Variants in PLB1 observed in about 807,000 individuals in gnomAD.
PLB1 encodes the protein phospholipase B1, membrane-associated.
Under a neutral mutation model 227.4 loss-of-function variants are expected in PLB1, and 242 were observed. The observed-to-expected ratio is 1.06, with a 90% CI of 0.96 to 1.18. The LOEUF (loss-of-function observed/expected upper bound fraction) is 1.18, where lower values mean the gene tolerates loss of function less well. PLB1 is among the 50% of genes most tolerant of loss of function. The probability of loss-of-function intolerance (pLI) is 0.00; values close to 1 mark genes in which losing one functional copy is unlikely to be tolerated. For synonymous variants in PLB1, 757 were observed against 682.2 expected (o/e 1.11, Z -1.71); for missense variants, 1,858 against 1,816.3 (o/e 1.02, Z -0.42).
At chr2:28,572,143 G>A (rs1242505719) in intron 20 of PLB1, among the ~76,000 whole-genome samples, 1 of 152,182 alleles carries the variant, frequency 6.6e-6, no homozygotes, top group Non-Finnish European at 1.5e-5. Context: ...CAAATGACTA[G>A]TAAGCACTTG....
chr2:28,552,819 A>C lies in PLB1; in HGVS notation c.1084-109A>C, dbSNP rs1048991056. ...AGGGAGAAATCTTAAATGACATCAA[A>C]GTTTTACTTTATCTTAAATGATGTT... On this transcript the variant is annotated intron_variant, in intron 16 of 57. Coordinates refer to ENST00000327757, the MANE Select transcript of PLB1 (RefSeq NM_153021.5). 7.0e-6 allele frequency: 6 copies of C among 861,926 alleles called. No individual in the cohort carries two copies. The African/African-American group carries it at 1.0e-4, about 14-fold the overall frequency. 53.4% of individuals were successfully genotyped at this position (861,926 alleles called of 1,614,324 possible).
intron 22 of PLB1, among the ~76,000 whole-genome samples, 166 bp from the exon 23 acceptor site, chr2:28,579,461 A>G: frequency 6.6e-6 from 1 of 152,204 alleles, no homozygotes; most frequent in East Asian, 1.9e-4. Flanking sequence ...TGAACCATTT[A>G]GCACCTATGA....
Position 28,603,972 on chromosome 2 carries a change from G to C in PLB1, c.2781G>C (p.Leu927Phe), listed in dbSNP as rs760840732. The change falls in exon 40 of 58, where the codon TTG becomes TTC. Residue 927 changes from leucine to phenylalanine, a missense_variant. Coordinates refer to ENST00000327757, the MANE Select transcript of PLB1 (RefSeq NM_153021.5). ...CCTCCCCCTCTTTGTGCAGCGTTTT[G>C]TGTAACTGCGTTCTGACCCTGCGGG... is the stretch of plus-strand genomic sequence containing the variant. The part of the protein sequence containing the change: ...DKCPVQQASV[L>F]CNCVLTLREN... The C allele has an allele frequency of 1.9e-6, 3 of 1,614,198 alleles. No individual in the cohort carries two copies. The highest frequency in any genetic ancestry group is 2.5e-6 in the Non-Finnish European group (3 of 1,180,010).
chr2:28,582,315 C>T, intron 24 of PLB1, 90 bp from the exon 25 acceptor site: 4 of 1,259,922 alleles, frequency 3.2e-6, no homozygotes, highest in Non-Finnish European at 4.6e-6. Flanking sequence ...GTCCCTAGAT[C>T]TGAAACTTCA....
intron 41 of PLB1, 25 bp downstream of exon 41, chr2:28,604,784 G>C (rs1302506905): frequency 6.9e-6 from 11 of 1,598,608 alleles, no homozygotes; most frequent in Non-Finnish European, 9.4e-6. Context: ...CTCACCCATG[G>C]TACTCTTTTA....
At chr2:28,496,275 TA>T in intron 1 of PLB1, 106 bp downstream of exon 1, 1 of 1,154,058 alleles carries the variant, frequency 8.7e-7, no homozygotes, top group Non-Finnish European at 1.3e-6. Flanking sequence ...TTTGAAGAGA[TA>T]AAGCACAAAG....
chr2:28,628,778 T>C (rs1180065657), intron 52 of PLB1, 150 bp downstream of exon 52: 1 of 797,008 alleles, frequency 1.3e-6, no homozygotes, highest in Non-Finnish European at 2.1e-6. Flanking sequence ...GTCAAGCTCC[T>C]CTGCAGGGAA....
intron 1 of PLB1, among the ~76,000 whole-genome samples, chr2:28,498,745 A>G (rs147325052): frequency 2.6e-5 from 4 of 152,328 alleles, no homozygotes; most frequent in Non-Finnish European, 5.9e-5. Context: ...ATAACCCATT[A>G]TCTTAATTCT....
chr2:28,550,221 G>A (rs1048973803), intron 16 of PLB1, 137 bp downstream of exon 16: 1 of 596,112 alleles, frequency 1.7e-6, no homozygotes, highest in East Asian at 3.3e-5. Context: ...TGCCCAGGCT[G>A]GAGTTCAGTG....
At chr2:28,606,359 T>A (rs1684678101) in intron 42 of PLB1, 137 bp from the exon 43 acceptor site, 1 of 817,514 alleles carries the variant, frequency 1.2e-6, no homozygotes, top group Admixed American at 2.6e-5. Flanking sequence ...GGCTGGCAAC[T>A]GGCAGAGCCA....
At chr2:28,569,917 G>T (rs1398331700) in intron 20 of PLB1, among the ~76,000 whole-genome samples, 2 of 144,328 alleles carry the variant, frequency 1.4e-5, no homozygotes, top group Non-Finnish European at 3.0e-5. Flanking sequence ...AGTGAGCCGA[G>T]ATCACGCCAT....
intron 12 of PLB1, 123 bp downstream of exon 12, chr2:28,540,564 A>G: frequency 1.3e-6 from 1 of 765,568 alleles, no homozygotes; most frequent in East Asian, 2.7e-5. Flanking sequence ...AGCTGAATTC[A>G]GGACTAAGTC....
At chr2:28,604,083 C>T in intron 40 of PLB1, 36 bp downstream of exon 40, 2 of 1,550,156 alleles carry the variant, frequency 1.3e-6, no homozygotes, top group South Asian at 1.1e-5. Context: ...GTGTCCTCTC[C>T]CCTACGTTCA....
At chr2:28,627,741 G>A (rs567761941) in intron 51 of PLB1, among the ~76,000 whole-genome samples, 10 of 152,252 alleles carry the variant, frequency 6.6e-5, no homozygotes, top group African/African-American at 1.7e-4. Flanking sequence ...TCAGCTCTTC[G>A]TCTCCAGAAA....
intron 31 of PLB1, 56 bp from the exon 32 acceptor site, chr2:28,592,605 G>C: frequency 6.5e-7 from 1 of 1,539,188 alleles, no homozygotes; most frequent in Non-Finnish European, 9.0e-7. Context: ...AGAGGCACTA[G>C]AGTGTGACTG....
Position 28,602,805 on chromosome 2 carries a change from G to T in PLB1, c.2674-16G>T, listed in dbSNP as rs778623488. ...AGTGCCTGGAGCCCCCCTCTCATCT[G>T]CAGCTTTTCCCTTAGGTGCCCAGAG... On this transcript the variant is annotated splice_polypyrimidine_tract_variant and intron_variant, in intron 38 of 57. Transcript: ENST00000327757. 5 of 1,611,452 alleles carry T rather than the reference G, an allele frequency of 3.1e-6. No homozygotes were observed. The highest frequency in any genetic ancestry group is 4.2e-6 in the Non-Finnish European group (5 of 1,177,614).
In PLB1 at chr2:28,547,663, G is replaced by C. The variant is rs181026734; in HGVS notation, c.937-1197G>C. Among the ~76,000 whole-genome samples, 266 of 152,256 alleles carry C rather than the reference G, an allele frequency of 1.7e-3. 1 individual carries two copies. Among genetic ancestry groups the C allele is most frequent in the African/African-American group, 6.2e-3 (257 of 41,544 alleles). On this transcript the variant is annotated intron_variant, in intron 14 of 57. Transcript: ENST00000327757. ...ACGTTCCTTGGCAGAGTCATTGGAA[G>C]GGGAGGTGAGGGCCAGAGGTACGAC...
chr2:28,603,938 G>GGCCTCCT, intron 39 of PLB1, 28 bp from the exon 40 acceptor site: 1 of 1,605,836 alleles, frequency 6.2e-7, no homozygotes, highest in Non-Finnish European at 8.5e-7. Flanking sequence ...TGAGCTCTGG[G>GGCCTCCT]GCCTCCTGCC....
intron 9 of PLB1, among the ~76,000 whole-genome samples, chr2:28,536,764 G>A (rs938440975): frequency 1.3e-5 from 2 of 152,176 alleles, no homozygotes; most frequent in African/African-American, 4.8e-5. Context: ...ATAGAGGAGG[G>A]ACATCTTATA....
Sources: allele counts gnomAD v4.1 joint callset (sites outside exome capture counted in the v4.1 genomes callset), GRCh38; gene constraint gnomAD v4.1.1; transcripts MANE v1.5; gene names NCBI Gene and HGNC (gene_info 2026-07-23, HGNC 2026-07-21).